GABRA2: variants seen among roughly 807,000 people sequenced by gnomAD.
GABRA2 encodes the protein gamma-aminobutyric acid type A receptor subunit alpha2, also known as gamma-aminobutyric acid receptor subunit alpha-2.
A neutral mutation model predicts 48.7 loss-of-function variants in GABRA2; 16 were observed. The ratio of observed to expected loss-of-function variants is 0.33; its 90% CI spans 0.22 to 0.50. The LOEUF is 0.50. GABRA2 is among the 20% of genes least tolerant of loss of function. GABRA2 has a pLI of 0.98. For missense variants in GABRA2, 275 were observed against 535.6 expected (o/e 0.51, Z 4.80); for synonymous variants, 185 against 184.5 (o/e 1.00, Z -0.02).
intron 8 of GABRA2, among the ~76,000 whole-genome samples, chr4:46,297,703 T>A (rs2109585651): frequency 6.6e-6 from 1 of 151,726 alleles, no homozygotes; most frequent in Non-Finnish European, 1.5e-5. Flanking sequence ...AGAACCAACC[T>A]TTGGTCTTGT....
intron 8 of GABRA2, among the ~76,000 whole-genome samples, chr4:46,267,296 T>C (rs1718446162): frequency 6.6e-6 from 1 of 152,130 alleles, no homozygotes; most frequent in Non-Finnish European, 1.5e-5. Flanking sequence ...GAATTTCTAA[T>C]TGTTTCAATT....
At chr4:46,260,186 G>A (rs767673237) in intron 9 of GABRA2, among the ~76,000 whole-genome samples, 2 of 151,890 alleles carry the variant, frequency 1.3e-5, no homozygotes, top group African/African-American at 4.8e-5. Flanking sequence ...CACTCTAGCT[G>A]TGGAAAAGGA....
At chr4:46,285,026 CAAAAA>C (rs201301399) in intron 8 of GABRA2, among the ~76,000 whole-genome samples, 1 of 118,514 alleles carries the variant, frequency 8.4e-6, no homozygotes, top group African/African-American at 3.1e-5. Flanking sequence ...TGCTCACCCT[CAAAAA>C]AAAAAAAAAA....
At chr4:46,289,233 A>G (rs1002297091) in intron 8 of GABRA2, among the ~76,000 whole-genome samples, 1 of 152,234 alleles carries the variant, frequency 6.6e-6, no homozygotes. Context: ...AAATTATTCT[A>G]TTGTAAAGAT....
At chr4:46,330,587 T>TAGAG (rs1425282470) in intron 4 of GABRA2, among the ~76,000 whole-genome samples, 1,587 of 123,402 alleles carry the variant, frequency 0.013, 8 homozygotes, top group Non-Finnish European at 0.02. Context: ...TATATATATA[T>TAGAG]ATATAGAGAG....
In GABRA2 at chr4:46,247,591, T is replaced by C. The variant is rs1713953685; in HGVS notation, c.*2717A>G. 6.6e-6 allele frequency among the ~76,000 whole-genome samples: 1 copy of C among 151,278 alleles called. No homozygotes were observed. The highest frequency in any genetic ancestry group is 6.6e-5 in the Admixed American group (1 of 15,124). ...ATTTATCTACATTTTGTACATACCA[T>C]AACTCTTTATGTCATTGTACAACTG... On this transcript the variant is annotated 3_prime_UTR_variant, in exon 10 of 10. Coordinates refer to ENST00000381620, the MANE Select transcript of GABRA2 (RefSeq NM_000807.4).
intron 4 of GABRA2, among the ~76,000 whole-genome samples, chr4:46,321,267 C>T (rs1367073820): frequency 1.3e-5 from 2 of 151,714 alleles, no homozygotes; most frequent in African/African-American, 4.8e-5. Flanking sequence ...AGGTGTCAAT[C>T]AAAGGGTATA....
chr4:46,338,794 C>T (rs1277950371), intron 3 of GABRA2, among the ~76,000 whole-genome samples: 1 of 151,814 alleles, frequency 6.6e-6, no homozygotes. Flanking sequence ...TGGCTAATGT[C>T]TCCTACCCAT....
rs944875780 is a variant in GABRA2, at chr4:46,249,372, G to A, written c.*936C>T. ...AAAGAGGAGAATCATATAAGTGTTT[G>A]TCATAGTGTGGGGCACCTATGAATT... On this transcript the variant is annotated 3_prime_UTR_variant, in exon 10 of 10. Transcript: ENST00000381620. The A allele has an allele frequency of 1.3e-5, 2 of 151,258 alleles. No homozygotes were observed. Among genetic ancestry groups the A allele is most frequent in the East Asian group, 3.9e-4 (2 of 5,098 alleles). The allele number at this position is 151,258 out of a possible 1,614,324, so 9.4% of individuals were successfully genotyped here. A position where few individuals can be genotyped will look rare whatever the true frequency, so the allele number is the denominator to read the frequency against.
intron 3 of GABRA2, among the ~76,000 whole-genome samples, chr4:46,351,047 C>A (rs138008324): frequency 5.5e-4 from 84 of 151,786 alleles, no homozygotes; most frequent in African/African-American, 1.8e-3. Context: ...GTTAATTTTT[C>A]TTCTGCTTTA....
intron 8 of GABRA2, among the ~76,000 whole-genome samples, chr4:46,269,485 C>T (rs1241744736): frequency 6.6e-6 from 1 of 151,628 alleles, no homozygotes; most frequent in Non-Finnish European, 1.5e-5. Flanking sequence ...GACAATATCA[C>T]AAAGGATAAA....
chr4:46,327,908 C>T (rs1730663458), intron 4 of GABRA2, among the ~76,000 whole-genome samples: 1 of 151,978 alleles, frequency 6.6e-6, no homozygotes, highest in Non-Finnish European at 1.5e-5. Flanking sequence ...AATAGACAAC[C>T]ATTTGGGCTG....
chr4:46,314,518 T>C (rs757179086), intron 4 of GABRA2, among the ~76,000 whole-genome samples: 1 of 152,038 alleles, frequency 6.6e-6, no homozygotes, highest in Non-Finnish European at 1.5e-5. Flanking sequence ...ATTTTAGATA[T>C]GGGGGCATAT....
chr4:46,379,684 A>G (rs944215485), intron 3 of GABRA2, among the ~76,000 whole-genome samples: 2 of 152,198 alleles, frequency 1.3e-5, no homozygotes, highest in Admixed American at 6.5e-5. Context: ...TGAAAGGCAG[A>G]GAGACTAGAT....
intron 3 of GABRA2, among the ~76,000 whole-genome samples, chr4:46,378,051 C>T (rs531509090): frequency 1.4e-5 from 2 of 144,774 alleles, no homozygotes; most frequent in Non-Finnish European, 3.0e-5. Flanking sequence ...TCAGCCCCCC[C>T]ACCCGGCCAG....
intron 3 of GABRA2, among the ~76,000 whole-genome samples, chr4:46,356,639 A>G (rs1490069509): frequency 6.6e-6 from 1 of 152,198 alleles, no homozygotes; most frequent in African/African-American, 2.4e-5. Context: ...TCGCAGGACA[A>G]TCAGGAACTA....
intron 9 of GABRA2, among the ~76,000 whole-genome samples, chr4:46,251,823 C>G (rs2109381530): frequency 6.6e-6 from 1 of 151,548 alleles, no homozygotes; most frequent in African/African-American, 2.4e-5. Context: ...CCTTTGTAAT[C>G]TTAGCACTTA....
At position 46,332,621 on chromosome 4, in the gene GABRA2, T is replaced by C. The variant is rs1731557264; in HGVS notation, c.249A>G (p.Thr83=). The C allele has an allele frequency of 5.1e-6, 8 of 1,581,206 alleles. No homozygotes were observed. The highest frequency in any genetic ancestry group is 7.0e-6 in the Non-Finnish European group (8 of 1,150,526). The part of the protein sequence containing the change: ...YVTSFGPVSD[T]DMEYTIDVFF... ...TATTTAATGAAAAACTCACCATATC[T>C]GTATCTGAGACAGGGCCAAAACTGG... The change falls in exon 4 of 10, where the codon ACA becomes ACG. Residue 83 remains threonine (T), a synonymous_variant. Transcript: ENST00000381620.
chr4:46,339,451 A>T (rs548990626), intron 3 of GABRA2, among the ~76,000 whole-genome samples: 16 of 151,970 alleles, frequency 1.1e-4, no homozygotes, highest in Middle Eastern at 6.8e-3. Context: ...AGCCCTTGAC[A>T]TAGTATATGT....
Sources: gnomAD v4.1 joint callset for allele counts (sites outside exome capture counted in the v4.1 genomes callset) on GRCh38, gnomAD v4.1.1 for gene constraint, MANE v1.5 for transcripts, NCBI Gene and HGNC (gene_info 2026-07-23, HGNC 2026-07-21) for gene names.